The following OVCH1 variants were observed in gnomAD, a reference collection of about 807,000 sequenced individuals.
The protein encoded by OVCH1 is ovochymase-1.
A neutral mutation model predicts 138.4 loss-of-function variants in OVCH1; 139 were observed. That is an observed-to-expected ratio of 1.00 (90% confidence interval 0.87 to 1.16). The LOEUF (loss-of-function observed/expected upper bound fraction) is 1.16. Among genes scored for constraint, OVCH1 ranks in the 50% most tolerant of loss-of-function variants. OVCH1 has a pLI of 0.00. For missense variants in OVCH1, 1,367 were observed against 1,357.9 expected, an observed-to-expected ratio of 1.01 and a Z score of -0.11; for synonymous variants, 453 against 467.8, an observed-to-expected ratio of 0.97 and a Z score of 0.41.
intron 3 of OVCH1, among the ~76,000 whole-genome samples, chr12:29,416,284 G>A (rs977876983): frequency 4.6e-5 from 7 of 152,008 alleles, no homozygotes; most frequent in African/African-American, 1.7e-4. Context: ...ACCAAAAGGA[G>A]AAGCTTTTTT....
exon 14 of OVCH1, chr12:29,475,143 A>G: frequency 1.9e-6 from 3 of 1,550,864 alleles, no homozygotes; most frequent in Non-Finnish European, 2.6e-6. Context: ...CCGTCATGTT[A>G]CTAGAACTGA....
Position 29,496,174 on chromosome 12 carries a change from A to G in OVCH1, c.281+7T>C, listed in dbSNP as rs747274629. 3.2e-5 allele frequency: 51 copies of G among 1,595,578 alleles called. No individual in the cohort carries two copies. The South Asian group carries it at 5.8e-4, about 18-fold the overall frequency. On this transcript the variant is annotated splice_region_variant and intron_variant, in intron 3 of 27. Transcript: ENST00000318184. Reference sequence around the variant, plus strand: ...GGCCTGACAAGTAATGGAAATCCACAACTTACTCACTGAGGCTGTCCAGGC... The same window carrying G: ...GGCCTGACAAGTAATGGAAATCCACGACTTACTCACTGAGGCTGTCCAGGC...
chr12:29,436,918 C>G (rs535656582), intron 26 of OVCH1, among the ~76,000 whole-genome samples: 1 of 152,134 alleles, frequency 6.6e-6, no homozygotes, highest in Non-Finnish European at 1.5e-5. Context: ...GGAAAGGGAC[C>G]CAAGCGGGTT....
At position 29,476,197 on chromosome 12, in the gene OVCH1, T is replaced by G. The variant is rs1403747962; in HGVS notation, c.1471+9A>C. 6.2e-7 allele frequency: 1 copy of G among 1,602,316 alleles called. No individual in the cohort carries two copies. Among genetic ancestry groups the G allele is most frequent in the Non-Finnish European group, 8.6e-7 (1 of 1,169,338 alleles). On this transcript the variant is annotated intron_variant, in intron 13 of 27. Coordinates refer to ENST00000318184, the Ensembl canonical transcript of OVCH1. ...ACACTTTCATATTTAAAGGGTGAAG[T>G]CTACCTACCTAACTTGTGCTTTTCT... is the stretch of plus-strand genomic sequence containing the variant.
At chr12:29,407,178 T>G in the OVCH1 span, among the ~76,000 whole-genome samples, 1 of 149,354 alleles carries the variant, frequency 6.7e-6, no homozygotes, top group East Asian at 2.0e-4. Context: ...GTAAATTTGT[T>G]TGAGTTCATT....
the OVCH1 span, among the ~76,000 whole-genome samples, chr12:29,404,046 A>G: frequency 1.3e-5 from 2 of 152,258 alleles, no homozygotes; most frequent in African/African-American, 2.4e-5. Flanking sequence ...AACCTCTGCA[A>G]TGATAATGAT....
intron 22 of OVCH1, 35 bp downstream of exon 22, chr12:29,451,310 T>G (rs1432502796): frequency 6.4e-7 from 1 of 1,555,028 alleles, no homozygotes; most frequent in Non-Finnish European, 8.8e-7. Context: ...GGACCAAGAC[T>G]CCTAGCACGA....
Position 29,496,549 on chromosome 12 carries a change from C to A in OVCH1, c.183+7G>T, listed in dbSNP as rs1349971325. 2 of 1,573,566 alleles carry A rather than the reference C, an allele frequency of 1.3e-6. No homozygotes were observed. Among genetic ancestry groups the A allele is most frequent in the Non-Finnish European group, 8.7e-7 (1 of 1,147,972 alleles). On this transcript the variant is annotated splice_region_variant and intron_variant, in intron 2 of 27. Coordinates refer to ENST00000318184, the Ensembl canonical transcript of OVCH1. ...CATTAAGAAATCAATGCCTTTGTTG[C>A]ACTGACCTGCCATGGATGTCCAGTC...
intron 9 of OVCH1, 85 bp downstream of exon 10, chr12:29,478,750 G>C: frequency 1.0e-6 from 1 of 990,754 alleles, no homozygotes; most frequent in Non-Finnish European, 1.4e-6. Context: ...AGAGCAGCCA[G>C]AAATTTTATT....
At chr12:29,417,024 A>G (rs981519983) in intron 3 of OVCH1, among the ~76,000 whole-genome samples, 16 of 152,242 alleles carry the variant, frequency 1.1e-4, no homozygotes, top group African/African-American at 3.9e-4. Context: ...AGCACAGTAC[A>G]ACTTGGATAA....
At chr12:29,456,174 C>T (rs1941945835) in intron 19 of OVCH1, among the ~76,000 whole-genome samples, 1 of 152,138 alleles carries the variant, frequency 6.6e-6, no homozygotes, top group African/African-American at 2.4e-5. Flanking sequence ...AATAAGTGAC[C>T]TGTCCCATTT....
chr12:29,409,570 G>A (rs1209557178), downstream of OVCH1, among the ~76,000 whole-genome samples: 1 of 152,096 alleles, frequency 6.6e-6, no homozygotes, highest in Non-Finnish European at 1.5e-5. Context: ...TATGTACCCA[G>A]TAGTCATTCA....
intron 19 of OVCH1, among the ~76,000 whole-genome samples, chr12:29,455,946 G>C (rs1371165003): frequency 6.6e-6 from 1 of 152,142 alleles, no homozygotes; most frequent in East Asian, 1.9e-4. Context: ...TCAAAGAGTA[G>C]AGTTATGACA....
chr12:29,422,914 TAATA>T (rs1166097159), downstream of OVCH1, among the ~76,000 whole-genome samples: 2 of 152,170 alleles, frequency 1.3e-5, no homozygotes, highest in African/African-American at 4.8e-5. Flanking sequence ...TTCTTAAAAA[TAATA>T]AACGCACATA....
chr12:29,468,532 C>A (rs1565592640), intron 16 of OVCH1, among the ~76,000 whole-genome samples: 1 of 152,120 alleles, frequency 6.6e-6, no homozygotes, highest in African/African-American at 2.4e-5. Context: ...AAAAGGGAAT[C>A]TACCAAAGCT....
At position 29,435,606 on chromosome 12, in the gene OVCH1, G is replaced by A. The variant is rs12313352; in HGVS notation, c.3265-1793C>T. Among the ~76,000 whole-genome samples, 853 of 152,058 alleles carry A rather than the reference G, an allele frequency of 5.6e-3. 13 individuals are homozygous for A. Among genetic ancestry groups the A allele is most frequent in the African/African-American group, 0.02 (818 of 41,498 alleles). On this transcript the variant is annotated intron_variant, in intron 26 of 27. Coordinates refer to ENST00000318184, the Ensembl canonical transcript of OVCH1. ...CCTGACCCCGTGATCCGCCCACCTC[G>A]GCCTCCCAAAGTGCTGGGATTACAG...
intron 8 of OVCH1, among the ~76,000 whole-genome samples, chr12:29,485,392 G>A (rs1467868002): frequency 1.3e-5 from 2 of 149,604 alleles, no homozygotes; most frequent in Admixed American, 6.7e-5. Context: ...CCCAGCACCA[G>A]CACTTTGGGA....
intron 4 of OVCH1, among the ~76,000 whole-genome samples, chr12:29,494,277 G>T (rs557618550): frequency 1.3e-5 from 2 of 152,234 alleles, no homozygotes; most frequent in East Asian, 3.9e-4. Flanking sequence ...TCCCTTAAGG[G>T]CAGTGGCCTG....
intron 16 of OVCH1, among the ~76,000 whole-genome samples, chr12:29,469,752 T>G (rs1172961954): frequency 6.6e-6 from 1 of 151,038 alleles, no homozygotes; most frequent in African/African-American, 2.4e-5. Flanking sequence ...CATGTATCTG[T>G]AGTCCCAGCT....
Sources: gnomAD v4.1 joint callset for allele counts (sites outside exome capture counted in the v4.1 genomes callset) on GRCh38, gnomAD v4.1.1 for gene constraint, MANE v1.5 for transcripts, NCBI Gene and HGNC (gene_info 2026-07-23, HGNC 2026-07-21) for gene names.